BMPER: variants seen among roughly 807,000 people sequenced by gnomAD.
The protein encoded by BMPER is BMP-binding endothelial regulator protein.
In BMPER, 45 loss-of-function variants were observed where a neutral mutation model predicts 87.3. The ratio of observed to expected loss-of-function variants is 0.52; its 90% confidence interval spans 0.41 to 0.66. The LOEUF is 0.66. Among genes scored for constraint, BMPER ranks in the 30% least tolerant of loss-of-function variants. BMPER has a pLI of 0.00. For synonymous variants in BMPER, 326 were observed against 316.2 expected (o/e 1.03, Z -0.33); for missense variants, 784 against 867.5 (o/e 0.90, Z 1.21).
intron 6 of BMPER, among the ~76,000 whole-genome samples, chr7:33,987,312 G>C (rs1439073223): frequency 6.6e-6 from 1 of 152,058 alleles, no homozygotes; most frequent in Non-Finnish European, 1.5e-5. Flanking sequence ...CACTTGTTTG[G>C]TGTGTGAGCC....
At chr7:34,036,124 T>G (rs1787659191) in intron 6 of BMPER, among the ~76,000 whole-genome samples, 1 of 152,206 alleles carries the variant, frequency 6.6e-6, no homozygotes, top group Non-Finnish European at 1.5e-5. Context: ...GTGTGAGTTC[T>G]AAATGATTGT....
rs148522733 is a variant in BMPER at position 33,938,938 on chromosome 7, T to A, written c.319+1550T>A. Among the ~76,000 whole-genome samples the A allele has an allele frequency of 8.7e-3, 1,330 of 152,086 alleles. 9 individuals carry two copies. The highest frequency in any genetic ancestry group is 0.034 in the Middle Eastern group (10 of 294). On this transcript the variant is annotated intron_variant, in intron 3 of 14. Transcript: ENST00000649409. Reference sequence around the variant, plus strand: ...TACTGGGGAGGCTGAAGCAGGAGAATCACTTGAACCCAGGAGGCAGAAGTT... The same window carrying A: ...TACTGGGGAGGCTGAAGCAGGAGAAACACTTGAACCCAGGAGGCAGAAGTT...
chr7:34,151,488 G>A (rs1791174562), intron 14 of BMPER, among the ~76,000 whole-genome samples: 1 of 152,216 alleles, frequency 6.6e-6, no homozygotes, highest in Non-Finnish European at 1.5e-5. Context: ...ATTTTGAATA[G>A]GAAGTTACCT....
At chr7:34,099,537 T>A (rs571871871) in intron 13 of BMPER, among the ~76,000 whole-genome samples, 71 of 152,332 alleles carry the variant, frequency 4.7e-4, no homozygotes, top group African/African-American at 1.6e-3. Context: ...GTTGACTGAA[T>A]TTTTAAATAA....
At chr7:34,021,458 A>G (rs1787185368) in intron 6 of BMPER, among the ~76,000 whole-genome samples, 1 of 152,026 alleles carries the variant, frequency 6.6e-6, no homozygotes. Context: ...ACTGTTTAGG[A>G]AGGTTTAAAG....
rs1249823303 is a variant in BMPER, at chr7:33,932,186, A to AT, written c.220-5103_220-5102insT. Among the ~76,000 whole-genome samples, 6 of 152,228 alleles carry AT rather than the reference A, an allele frequency of 3.9e-5. No individual in the cohort carries two copies. The East Asian group carries it at 1.2e-3, about 29-fold the overall frequency. ...GGCTATTTGGGATGAATGTGGGTCT[A>AT]CCTCCAGGGGTATTTGTATTTTGGT... On this transcript the variant is annotated intron_variant, in intron 2 of 14. Coordinates refer to ENST00000649409, the MANE Select transcript of BMPER (RefSeq NM_001365308.1).
intron 6 of BMPER, among the ~76,000 whole-genome samples, chr7:34,024,387 ATATATATATATATATATATATATAT>A (rs1787296997): frequency 3.4e-4 from 2 of 5,938 alleles, no homozygotes; most frequent in African/African-American, 1.8e-3. Context: ...AAAAAACAAT[ATATATATATATATATATATATATAT>A]ATATATATAT....
chr7:33,943,652 T>C (rs560494685), intron 3 of BMPER, among the ~76,000 whole-genome samples: 1 of 152,356 alleles, frequency 6.6e-6, no homozygotes, highest in South Asian at 2.1e-4. Flanking sequence ...AAGGCTATTT[T>C]CTTTCCCTCT....
chr7:34,074,444 G>GCCTCC (rs1788812357), intron 11 of BMPER, among the ~76,000 whole-genome samples: 1 of 152,186 alleles, frequency 6.6e-6, no homozygotes, highest in African/African-American at 2.4e-5. Context: ...TCTATCAGAG[G>GCCTCC]CCTCCATCAC....
intron 2 of BMPER, among the ~76,000 whole-genome samples, chr7:33,912,324 C>T (rs769598973): frequency 2.0e-5 from 3 of 152,128 alleles, no homozygotes; most frequent in Admixed American, 6.5e-5. Context: ...TTTCCTGGCC[C>T]GCCTTGTGGA....
At chr7:34,029,837 T>G (rs148852953) in intron 6 of BMPER, among the ~76,000 whole-genome samples, 67 of 152,176 alleles carry the variant, frequency 4.4e-4, no homozygotes, top group African/African-American at 1.5e-3. Context: ...CCACATAATA[T>G]TCCTGGGGAA....
chr7:34,147,653 A>G (rs185435302), intron 14 of BMPER, among the ~76,000 whole-genome samples: 67 of 152,224 alleles, frequency 4.4e-4, no homozygotes, highest in African/African-American at 1.5e-3. Context: ...TATTTTTAGT[A>G]GAGACGGGGT....
At chr7:34,045,188 C>T (rs1049413201) in intron 6 of BMPER, among the ~76,000 whole-genome samples, 3 of 152,112 alleles carry the variant, frequency 2.0e-5, no homozygotes, top group Non-Finnish European at 4.4e-5. Flanking sequence ...ATCTATTTAC[C>T]AAATTCACTG....
chr7:33,936,314 A>G (rs1166271032), intron 2 of BMPER, among the ~76,000 whole-genome samples: 1 of 152,166 alleles, frequency 6.6e-6, no homozygotes, highest in Admixed American at 6.5e-5. Context: ...GCTTGCTGTT[A>G]TCCAGGGAAG....
At chr7:34,129,604 G>GAA (rs1356487513) in intron 13 of BMPER, among the ~76,000 whole-genome samples, 260 of 106,074 alleles carry the variant, frequency 2.5e-3, no homozygotes, top group African/African-American at 6.6e-3. Flanking sequence ...GAGAGAGAGA[G>GAA]AGAGAAAGAG....
intron 3 of BMPER, among the ~76,000 whole-genome samples, chr7:33,953,095 G>C (rs529248123): frequency 6.6e-6 from 1 of 152,218 alleles, no homozygotes; most frequent in Non-Finnish European, 1.5e-5. Flanking sequence ...CTGTCGGAGA[G>C]TGTCCAGGCA....
At chr7:34,049,289 A>G (rs531281032) in intron 7 of BMPER, among the ~76,000 whole-genome samples, 1 of 152,304 alleles carries the variant, frequency 6.6e-6, no homozygotes, top group South Asian at 2.1e-4. Flanking sequence ...TGTGTAATGA[A>G]TATCAGGCAC....
At chr7:33,993,247 A>C (rs1320003121) in intron 6 of BMPER, among the ~76,000 whole-genome samples, 4 of 147,714 alleles carry the variant, frequency 2.7e-5, no homozygotes, top group Admixed American at 1.4e-4. Flanking sequence ...CATCACTTTC[A>C]GGTACACCAA....
At chr7:34,130,460 C>G (rs1201026028) in intron 13 of BMPER, among the ~76,000 whole-genome samples, 1 of 152,200 alleles carries the variant, frequency 6.6e-6, no homozygotes, top group African/African-American at 2.4e-5. Flanking sequence ...AATGCCTATT[C>G]CTCCTTCACT....
Sources: gnomAD v4.1 joint callset for allele counts (sites outside exome capture counted in the v4.1 genomes callset) on GRCh38, gnomAD v4.1.1 for gene constraint, MANE v1.5 for transcripts, NCBI Gene and HGNC (gene_info 2026-07-23, HGNC 2026-07-21) for gene names.